The following HSD17B12 variants were observed in gnomAD, a reference collection of about 807,000 sequenced individuals.
HSD17B12 encodes very-long-chain 3-oxoacyl-CoA reductase.
A neutral mutation model predicts 39.3 loss-of-function variants in HSD17B12; 32 were observed. The ratio of observed to expected loss-of-function variants is 0.81; its 90% CI spans 0.61 to 1.09. The LOEUF is 1.09. HSD17B12 is among the 50% of genes least tolerant of loss of function. The probability of loss-of-function intolerance (pLI) is 0.00; values close to 1 mark genes in which losing one functional copy is unlikely to be tolerated. For synonymous variants in HSD17B12, 150 were observed against 146.7 expected (o/e 1.02, Z -0.16); for missense variants, 342 against 382.9 (o/e 0.89, Z 0.89).
chr11:43,711,890 G>T (rs1009063778), intron 1 of HSD17B12, among the ~76,000 whole-genome samples: 1 of 152,104 alleles, frequency 6.6e-6, no homozygotes, highest in African/African-American at 2.4e-5. Context: ...GATATACATT[G>T]TAAAGCAAAA....
At chr11:43,594,584 A>G in the HSD17B12 span, among the ~76,000 whole-genome samples, 17 of 151,512 alleles carry the variant, frequency 1.1e-4, no homozygotes, top group South Asian at 3.6e-3. Flanking sequence ...TTGATCTCAA[A>G]GCTGTGCTGC....
At chr11:43,769,459 C>T (rs1437130660) in intron 3 of HSD17B12, among the ~76,000 whole-genome samples, 1 of 152,204 alleles carries the variant, frequency 6.6e-6, no homozygotes, top group African/African-American at 2.4e-5. Flanking sequence ...CTGGCAACGT[C>T]ACCCAGTGCA....
chr11:43,675,849 T>C (rs1949689825), upstream of HSD17B12, among the ~76,000 whole-genome samples: 2 of 152,162 alleles, frequency 1.3e-5, no homozygotes, highest in South Asian at 4.1e-4. Flanking sequence ...TGTTGGCTCA[T>C]GCCTGTAATC....
Position 43,754,036 on chromosome 11 carries a change from A to G in HSD17B12, c.208-10A>G, listed in dbSNP as rs1452164795. ...CACAGGTGTGATTCAAATCTCCTTTACTGTTTCAGTTAGCAAAGCATGGAA... is the reference window on the plus strand; with the variant it reads ...CACAGGTGTGATTCAAATCTCCTTTGCTGTTTCAGTTAGCAAAGCATGGAA... On this transcript the variant is annotated splice_polypyrimidine_tract_variant and intron_variant, in intron 2 of 10. Transcript: ENST00000278353. 3 of 1,594,056 alleles carry G rather than the reference A, an allele frequency of 1.9e-6. No homozygotes were observed. The highest frequency in any genetic ancestry group is 2.6e-6 in the Non-Finnish European group (3 of 1,163,124).
chr11:43,739,184 C>T (rs900431185), intron 1 of HSD17B12, among the ~76,000 whole-genome samples: 7 of 152,106 alleles, frequency 4.6e-5, no homozygotes, highest in Non-Finnish European at 7.3e-5. Context: ...CTGTTTCAGT[C>T]GGGTGTGACA....
At chr11:43,614,797 A>C in the HSD17B12 span, among the ~76,000 whole-genome samples, 1 of 151,880 alleles carries the variant, frequency 6.6e-6, no homozygotes, top group Non-Finnish European at 1.5e-5. Flanking sequence ...TTTACTTTTA[A>C]AATTTTTATT....
At chr11:43,739,376 G>A (rs1289084959) in intron 1 of HSD17B12, among the ~76,000 whole-genome samples, 1 of 152,196 alleles carries the variant, frequency 6.6e-6, no homozygotes, top group Non-Finnish European at 1.5e-5. Context: ...GTGTGTCTTA[G>A]TTCATTTGTG....
intron 1 of HSD17B12, among the ~76,000 whole-genome samples, chr11:43,711,874 G>A (rs1261233650): frequency 6.6e-6 from 1 of 152,120 alleles, no homozygotes; most frequent in South Asian, 2.1e-4. Flanking sequence ...AGATGGTGAT[G>A]ATAAAGATAT....
At chr11:43,644,464 G>A in the HSD17B12 span, 1 of 152,442 alleles carries the variant, frequency 6.6e-6, no homozygotes, top group African/African-American at 2.4e-5. Flanking sequence ...GGGTCGGTGA[G>A]GGTTCCCAGC....
At chr11:43,663,998 C>T in the HSD17B12 span, among the ~76,000 whole-genome samples, 6 of 151,504 alleles carry the variant, frequency 4.0e-5, no homozygotes, top group African/African-American at 9.7e-5. Context: ...GACAGGCATG[C>T]GCCACCATGC....
the HSD17B12 span, among the ~76,000 whole-genome samples, chr11:43,663,238 T>G: frequency 6.6e-6 from 1 of 152,172 alleles, no homozygotes. Context: ...GTAGCTGGGA[T>G]GCAGGCATGT....
At chr11:43,782,594 T>G (rs868226911) in intron 3 of HSD17B12, among the ~76,000 whole-genome samples, 1 of 150,838 alleles carries the variant, frequency 6.6e-6, no homozygotes, top group Non-Finnish European at 1.5e-5. Context: ...GAGAATTGCT[T>G]GAACCGGGAG....
Position 43,855,220 on chromosome 11 carries a change from A to C in HSD17B12, c.911A>C (p.His304Pro). 6.2e-7 allele frequency: 1 copy of C among 1,609,000 alleles called. No individual in the cohort carries two copies. The highest frequency in any genetic ancestry group is 8.5e-7 in the Non-Finnish European group (1 of 1,178,048). Reference sequence around the variant, plus strand: ...AATATGAACAAGTCTACACGGGCTCACTATCTGAAGAAAACCAAGAAGAAC... The same window carrying C: ...AATATGAACAAGTCTACACGGGCTCCCTATCTGAAGAAAACCAAGAAGAAC... The part of the protein sequence containing the change: ...VMNMNKSTRA[H>P]YLKKTKKN The change falls in exon 11 of 11, where the codon CAC (histidine) becomes CCC (proline). Residue 304 changes from histidine (H) to proline (P), a missense_variant. By Grantham distance (77) the His-to-Pro change is moderately conservative. Coordinates refer to ENST00000278353, the MANE Select transcript of HSD17B12 (RefSeq NM_016142.3).
chr11:43,641,044 C>T, the HSD17B12 span: 1 of 151,228 alleles, frequency 6.6e-6, no homozygotes, highest in Admixed American at 6.6e-5. Flanking sequence ...GGTAAGGAAA[C>T]GTTTTCTATT....
At chr11:43,735,748 G>A (rs1305569207) in intron 1 of HSD17B12, among the ~76,000 whole-genome samples, 1 of 152,132 alleles carries the variant, frequency 6.6e-6, no homozygotes, top group African/African-American at 2.4e-5. Context: ...CTGAGACTCT[G>A]TCATTTATAA....
chr11:43,581,396 C>T, the HSD17B12 span: 7 of 512,306 alleles, frequency 1.4e-5, no homozygotes, highest in South Asian at 5.8e-5. This position sits in a 1 kb window ranked among gnomAD's most constrained non-coding sequence, Gnocchi z 4.9. Context: ...GCATATTCTG[C>T]CCTTCGCGAA....
chr11:43,764,705 C>T (rs1950580751), intron 3 of HSD17B12, among the ~76,000 whole-genome samples: 1 of 152,116 alleles, frequency 6.6e-6, no homozygotes, highest in African/African-American at 2.4e-5. Context: ...AATCTTTGCT[C>T]TGAAATCTAC....
intron 1 of HSD17B12, among the ~76,000 whole-genome samples, chr11:43,691,501 C>T (rs1949862108): frequency 6.6e-6 from 1 of 152,162 alleles, no homozygotes; most frequent in Non-Finnish European, 1.5e-5. Flanking sequence ...ATTGCCAAAT[C>T]TTGCTGAATC....
At chr11:43,561,222 T>G in the HSD17B12 span, among the ~76,000 whole-genome samples, 1 of 152,266 alleles carries the variant, frequency 6.6e-6, no homozygotes, top group African/African-American at 2.4e-5. Flanking sequence ...GTTTGATTCA[T>G]GAATAATTGT....
Sources: gnomAD v4.1 joint callset for allele counts (sites outside exome capture counted in the v4.1 genomes callset) on GRCh38, gnomAD v4.1.1 for gene constraint, Gnocchi (gnomAD v3.1) non-coding constraint, MANE v1.5 for transcripts, NCBI Gene and HGNC (gene_info 2026-07-23, HGNC 2026-07-21) for gene names.